TSPEAR: variants seen among roughly 807,000 people sequenced by gnomAD.
The protein encoded by TSPEAR is thrombospondin type laminin G domain and EAR repeats, also known as thrombospondin-type laminin G domain and EAR repeat-containing protein.
In TSPEAR, 69 loss-of-function variants were observed where a neutral mutation model predicts 71.6. That is an observed-to-expected ratio of 0.96 (90% CI 0.79 to 1.18). The LOEUF is 1.18. Ranked by LOEUF, TSPEAR falls within the 50% of genes most tolerant of loss-of-function variation. The pLI, the probability that TSPEAR is intolerant of heterozygous loss-of-function variation, is 0.00. For synonymous variants in TSPEAR, 402 were observed against 387.2 expected, an observed-to-expected ratio of 1.04 and a Z score of -0.45; for missense variants, 971 against 894.9, an observed-to-expected ratio of 1.09 and a Z score of -1.09.
intron 1 of TSPEAR, among the ~76,000 whole-genome samples, chr21:44,626,262 A>G (rs931901953): frequency 3.9e-5 from 6 of 152,258 alleles, no homozygotes; most frequent in Non-Finnish European, 7.3e-5. Context: ...TAAGGCAAGA[A>G]GCTCGGGACT....
intron 1 of TSPEAR, chr21:44,627,708 G>T: frequency 6.3e-7 from 1 of 1,598,426 alleles, no homozygotes; most frequent in Non-Finnish European, 8.5e-7. Flanking sequence ...CCCCCTGCCA[G>T]CAGTCCTACT....
chr21:44,658,074 C>A, intron 1 of TSPEAR: 1 of 1,614,024 alleles, frequency 6.2e-7, no homozygotes, highest in Non-Finnish European at 8.5e-7. Flanking sequence ...AGCTGCCAGT[C>A]CTCCGTGTGC....
rs202190077 is a variant in TSPEAR, at chr21:44,574,184, G to A, written c.83-6179C>T. The A allele has an allele frequency of 4.2e-4, 670 of 1,610,522 alleles. 3 individuals carry two copies. In the East Asian group the frequency reaches 9.2e-3, roughly 22 times the overall value. On this transcript the variant is annotated intron_variant, in intron 1 of 11. Coordinates refer to ENST00000323084, the MANE Select transcript of TSPEAR (RefSeq NM_144991.3). ...CATGCTGCCAGCAGTCTAGCTGCCA[G>A]TCAGCTTGCTGCACCTCCTCCCCCT...
rs879955074 is a variant in TSPEAR, at chr21:44,579,781, G to A, written c.83-11776C>T. The A allele has an allele frequency of 3.1e-6, 5 of 1,612,222 alleles. No homozygotes were observed. The South Asian group carries it at 5.5e-5, about 18-fold the overall frequency. Reference sequence around the variant, plus strand: ...AGAGGCCTCAGCAGGCCAGGGGGGAGCACGCGGGGCGGCAGAGGAGGGACA... The same window carrying A: ...AGAGGCCTCAGCAGGCCAGGGGGGAACACGCGGGGCGGCAGAGGAGGGACA... On this transcript the variant is annotated intron_variant, in intron 1 of 11. Transcript: ENST00000323084.
At chr21:44,594,347 C>T (rs146002524) in intron 1 of TSPEAR, among the ~76,000 whole-genome samples, 1 of 152,298 alleles carries the variant, frequency 6.6e-6, no homozygotes, top group African/African-American at 2.4e-5. Flanking sequence ...TAGGTGACGT[C>T]CAGGAAGCCT....
At chr21:44,672,404 A>G (rs1434139022) in intron 1 of TSPEAR, among the ~76,000 whole-genome samples, 3 of 152,102 alleles carry the variant, frequency 2.0e-5, no homozygotes, top group Non-Finnish European at 4.4e-5. Context: ...CCCCGTCTCT[A>G]CTAAAAATAC....
At chr21:44,551,470 G>A in intron 2 of TSPEAR, 1 of 1,599,132 alleles carries the variant, frequency 6.3e-7, no homozygotes, top group Non-Finnish European at 8.5e-7. Context: ...CTGGAGTGGG[G>A]AGGAGGTGAG....
chr21:44,566,339 GT>G (rs1390782534), intron 2 of TSPEAR, among the ~76,000 whole-genome samples: 1 of 151,998 alleles, frequency 6.6e-6, no homozygotes, highest in African/African-American at 2.4e-5. Context: ...CATTATTTTT[GT>G]TTTGTTAAGG....
At chr21:44,513,420 G>GAGAA (rs1254399485) in intron 9 of TSPEAR, among the ~76,000 whole-genome samples, 1 of 152,244 alleles carries the variant, frequency 6.6e-6, no homozygotes, top group Non-Finnish European at 1.5e-5. Flanking sequence ...ATAGAGGAGA[G>GAGAA]AGAAAGAATC....
chr21:44,501,492 G>C (rs916122585), intron 11 of TSPEAR, among the ~76,000 whole-genome samples: 1 of 152,244 alleles, frequency 6.6e-6, no homozygotes, highest in Non-Finnish European at 1.5e-5. Context: ...AGCTACTCAG[G>C]AGGCTGAAGC....
chr21:44,581,777 T>C (rs1396640065), intron 1 of TSPEAR, among the ~76,000 whole-genome samples: 1 of 152,256 alleles, frequency 6.6e-6, no homozygotes, highest in East Asian at 1.9e-4. Flanking sequence ...GATGTTATGT[T>C]GAGCATTTAA....
chr21:44,605,201 A>T (rs587730426), intron 1 of TSPEAR, among the ~76,000 whole-genome samples: 41 of 152,372 alleles, frequency 2.7e-4, no homozygotes, highest in African/African-American at 9.4e-4. Context: ...TAAGAAAACA[A>T]TACCATTTAC....
Position 44,559,409 on chromosome 21 carries a change from A to G in TSPEAR, c.303+8376T>C, listed in dbSNP as rs587643194. The stretch of plus-strand genomic sequence containing the variant: ...AGGGAGGCAGCTGCAGGCCCAGCAC[A>G]GTAGGGATGGAGATGAGGGGCAAGC... On this transcript the variant is annotated intron_variant, in intron 2 of 11. Coordinates refer to ENST00000323084, the MANE Select transcript of TSPEAR (RefSeq NM_144991.3). Among the ~76,000 whole-genome samples, 119 of 152,338 alleles carry G rather than the reference A, an allele frequency of 7.8e-4. 1 individual carries two copies. The highest frequency in any genetic ancestry group is 1.2e-3 in the Admixed American group (19 of 15,312).
In TSPEAR at chr21:44,627,194, T is replaced by C. The variant is rs782120929; in HGVS notation, c.83-59189A>G. On this transcript the variant is annotated intron_variant, in intron 1 of 11. Coordinates refer to ENST00000323084, the MANE Select transcript of TSPEAR (RefSeq NM_144991.3). Reference sequence around the variant, plus strand: ...AGCATGGCCGCGTCCACCATGTCCATCCGCTCCAGCGCTTACTCCGACTCC... The same window carrying C: ...AGCATGGCCGCGTCCACCATGTCCACCCGCTCCAGCGCTTACTCCGACTCC... 1.9e-6 allele frequency: 3 copies of C among 1,612,800 alleles called. No homozygotes were observed. The highest frequency in any genetic ancestry group is 4.5e-5 in the East Asian group (2 of 44,862).
chr21:44,573,709 C>A, intron 1 of TSPEAR: 1 of 1,585,422 alleles, frequency 6.3e-7, no homozygotes, highest in African/African-American at 1.3e-5. Flanking sequence ...CTCGCTCACC[C>A]ACTCCCTCCC....
chr21:44,700,860 G>A (rs1987615857), intron 1 of TSPEAR, among the ~76,000 whole-genome samples: 1 of 152,204 alleles, frequency 6.6e-6, no homozygotes, highest in Non-Finnish European at 1.5e-5. Context: ...ACGTGGCCTT[G>A]TGGGGTGAGT....
At chr21:44,525,152 A>G (rs1265078144) in intron 8 of TSPEAR, among the ~76,000 whole-genome samples, 1 of 149,068 alleles carries the variant, frequency 6.7e-6, no homozygotes, top group African/African-American at 2.6e-5. Flanking sequence ...ACAGTCAGGT[A>G]GTTAGTCAGT....
chr21:44,529,956 T>A lies in TSPEAR; in HGVS notation c.634-2A>T. 1 of 1,590,568 alleles carries A rather than the reference T, an allele frequency of 6.3e-7. No homozygotes were observed. On this transcript the variant is annotated splice_acceptor_variant, in intron 4 of 11. Transcript: ENST00000323084. LOFTEE classifies it high-confidence loss of function. ...CAGGACCAGTTGCCTCACCAGTCCC[T>A]GCAGAGAGAGGGACAGCTCCTTCAG...
intron 1 of TSPEAR, among the ~76,000 whole-genome samples, chr21:44,572,810 A>C (rs1430783389): frequency 2.2e-4 from 33 of 149,376 alleles, no homozygotes; most frequent in Admixed American, 2.0e-3. Flanking sequence ...AATGCTTTGT[A>C]TCCTTATAAA....
Sources: gnomAD v4.1 joint callset for allele counts (sites outside exome capture counted in the v4.1 genomes callset) on GRCh38, gnomAD v4.1.1 for gene constraint, MANE v1.5 for transcripts, NCBI Gene and HGNC (gene_info 2026-07-23, HGNC 2026-07-21) for gene names.